MRE11: variants seen among roughly 807,000 people sequenced by gnomAD.
The protein encoded by MRE11 is double-strand break repair protein MRE11.
MRE11 carries 62 observed loss-of-function variants against 91.7 expected under a neutral mutation model. That is an observed-to-expected ratio of 0.68 (90% CI 0.55 to 0.84). The LOEUF is 0.84. Among genes scored for constraint, MRE11 ranks in the 40% least tolerant of loss-of-function variants. MRE11 has a pLI of 0.00. For missense variants in MRE11, 796 were observed against 852.9 expected, an observed-to-expected ratio of 0.93 and a Z score of 0.83; for synonymous variants, 273 against 271.4, an observed-to-expected ratio of 1.01 and a Z score of -0.06.
intron 10 of MRE11, among the ~76,000 whole-genome samples, chr11:94,464,603 A>C (rs1408450583): frequency 6.6e-6 from 1 of 152,206 alleles, no homozygotes; most frequent in African/African-American, 2.4e-5. Context: ...ACACACACCA[A>C]AATAAAATAC....
Position 94,471,656 on chromosome 11 carries a change from T to C in MRE11, c.763A>G (p.Lys255Glu), listed in dbSNP as rs1468500373. ...ATATAAAACAGCTGTTGTTCATTTTTGGTTGGAGCTATTTTACACTCATGT... is the reference window on the plus strand; with the variant it reads ...ATATAAAACAGCTGTTGTTCATTTTCGGTTGGAGCTATTTTACACTCATGT... The part of the protein sequence containing the change: ...HEHECKIAPT[K>E]NEQQLFYISQ... The change falls in exon 8 of 20, where the codon AAA becomes GAA. Residue 255 changes from lysine to glutamate, a missense_variant. Physicochemically the swap from Lys to Glu is moderately conservative, Grantham distance 56. Transcript: ENST00000323929. 1 of 1,612,840 alleles carries C rather than the reference T, an allele frequency of 6.2e-7. No homozygotes were observed. The highest frequency in any genetic ancestry group is 8.5e-7 in the Non-Finnish European group (1 of 1,179,232).
intron 14 of MRE11, among the ~76,000 whole-genome samples, chr11:94,452,977 C>T (rs1252407744): frequency 6.6e-6 from 1 of 152,172 alleles, no homozygotes; most frequent in African/African-American, 2.4e-5. Context: ...ACCTATTCAA[C>T]AGTAACTTCA....
Position 94,437,265 on chromosome 11 carries a change from T to C in MRE11, c.1868-30A>G, listed in dbSNP as rs766853523. 1.2e-5 allele frequency: 20 copies of C among 1,602,108 alleles called. No individual in the cohort carries two copies. In the South Asian group the frequency reaches 1.9e-4, roughly 15 times the overall value. On this transcript the variant is annotated intron_variant, in intron 16 of 19. Coordinates refer to ENST00000323929, the MANE Select transcript of MRE11 (RefSeq NM_005591.4). ...AATGAAAAAGATGAAATGTGCATTA[T>C]GTTATTCTTAAAATAACTTAGAAAA... is the stretch of plus-strand genomic sequence containing the variant.
intron 4 of MRE11, among the ~76,000 whole-genome samples, chr11:94,484,043 G>A (rs1947076749): frequency 6.6e-6 from 1 of 152,004 alleles, no homozygotes; most frequent in African/African-American, 2.4e-5. Flanking sequence ...GTTCCTTGAA[G>A]AAATGGCTGA....
intron 16 of MRE11, among the ~76,000 whole-genome samples, chr11:94,443,674 T>C (rs1036997201): frequency 2.6e-5 from 4 of 152,168 alleles, no homozygotes; most frequent in African/African-American, 4.8e-5. Flanking sequence ...ATGCGCCTCA[T>C]GGGAGTGGCT....
At chr11:94,447,656 C>G (rs1417625307) in intron 14 of MRE11, among the ~76,000 whole-genome samples, 1 of 141,248 alleles carries the variant, frequency 7.1e-6, no homozygotes, top group Non-Finnish European at 1.5e-5. Context: ...CAGCGAAACC[C>G]CGTCTCTACA....
chr11:94,422,423 A>G lies in MRE11; in HGVS notation c.2071-2242T>C, dbSNP rs142397043. Among the ~76,000 whole-genome samples, 832 of 152,212 alleles carry G rather than the reference A, an allele frequency of 5.5e-3. 14 individuals carry two copies. Among genetic ancestry groups the G allele is most frequent in the African/African-American group, 0.019 (794 of 41,526 alleles). ...ATCACCACCATGCGCCACCCTCTAC[A>G]TGACACATGTAGAGCATATAGTGAG... On this transcript the variant is annotated intron_variant, in intron 19 of 19. Coordinates refer to ENST00000323929, the MANE Select transcript of MRE11 (RefSeq NM_005591.4).
the MRE11 span, among the ~76,000 whole-genome samples, chr11:94,501,119 T>C: frequency 2.9e-3 from 439 of 152,346 alleles, 2 homozygotes; most frequent in African/African-American, 0.01. Flanking sequence ...ATGCTTTCTC[T>C]AAAGGATATT....
At chr11:94,429,448 G>A (rs767244992) in intron 19 of MRE11, among the ~76,000 whole-genome samples, 9 of 152,094 alleles carry the variant, frequency 5.9e-5, no homozygotes, top group African/African-American at 9.7e-5. Context: ...CCATCAATAC[G>A]GATTGGATAA....
chr11:94,484,705 C>T (rs1232077608), intron 4 of MRE11, among the ~76,000 whole-genome samples: 1 of 152,172 alleles, frequency 6.6e-6, no homozygotes, highest in Non-Finnish European at 1.5e-5. Flanking sequence ...AAGGGTACTT[C>T]ACTTCTTGAA....
In MRE11 at chr11:94,416,070, C is replaced by T. The variant is rs1945026390; in HGVS notation, c.*4055G>A. ...AGGTGATCCGCCTGCTTTGGCCTCC[C>T]AAAGTGCTAGGATCACAGGCGTGAG... On this transcript the variant is annotated 3_prime_UTR_variant, in exon 20 of 20. Transcript: ENST00000323929. 1 of 152,250 alleles carries T rather than the reference C, an allele frequency of 6.6e-6. No homozygotes were observed. The highest frequency in any genetic ancestry group is 1.5e-5 in the Non-Finnish European group (1 of 68,070). The allele number at this position is 152,250 out of a possible 1,614,324, so 9.4% of individuals were successfully genotyped here.
chr11:94,465,395 C>CTTTTTT (rs752729940), intron 10 of MRE11, among the ~76,000 whole-genome samples: 6 of 127,958 alleles, frequency 4.7e-5, no homozygotes, highest in Admixed American at 1.6e-4. Flanking sequence ...CTCTCTCTCT[C>CTTTTTT]TTTTTTTTTT....
the MRE11 span, chr11:94,499,481 CA>C: frequency 2.6e-5 from 4 of 151,614 alleles, no homozygotes; most frequent in Non-Finnish European, 2.9e-5. Flanking sequence ...GCTAAAACCA[CA>C]AAGTGGCTCA....
chr11:94,502,719 G>C, the MRE11 span, among the ~76,000 whole-genome samples: 1 of 152,014 alleles, frequency 6.6e-6, no homozygotes, highest in Admixed American at 6.5e-5. Flanking sequence ...TGTTGTCCAG[G>C]CTAGAGTGCA....
chr11:94,441,246 C>T (rs974868153), intron 16 of MRE11, among the ~76,000 whole-genome samples: 3 of 152,194 alleles, frequency 2.0e-5, no homozygotes, highest in Non-Finnish European at 4.4e-5. Context: ...TTATACCACA[C>T]CTTGCTCTTG....
intron 8 of MRE11, 142 bp downstream of exon 8, chr11:94,471,432 T>C (rs1946707790): frequency 1.6e-5 from 12 of 764,612 alleles, no homozygotes; most frequent in Non-Finnish European, 1.5e-5. Flanking sequence ...CACAGAATGA[T>C]CAATTTTCAA....
At chr11:94,436,174 T>C (rs1003179811) in intron 17 of MRE11, among the ~76,000 whole-genome samples, 19 of 152,308 alleles carry the variant, frequency 1.2e-4, no homozygotes, top group African/African-American at 3.6e-4. Flanking sequence ...ATGACTTGCA[T>C]AGGCTCATAT....
At chr11:94,495,474 C>T (rs1047741483), upstream of MRE11, among the ~76,000 whole-genome samples, 49 of 151,998 alleles carry the variant, frequency 3.2e-4, no homozygotes, top group Admixed American at 2.9e-3. Context: ...AAGCAGAAAG[C>T]GATCTAAATG....
At chr11:94,504,511 G>A in the MRE11 span, among the ~76,000 whole-genome samples, 1 of 152,162 alleles carries the variant, frequency 6.6e-6, no homozygotes, top group East Asian at 1.9e-4. Flanking sequence ...AAAATAATTA[G>A]TCCATTTGGC....
Sources: gnomAD v4.1 joint callset for allele counts (sites outside exome capture counted in the v4.1 genomes callset) on GRCh38, gnomAD v4.1.1 for gene constraint, MANE v1.5 for transcripts, NCBI Gene and HGNC (gene_info 2026-07-23, HGNC 2026-07-21) for gene names.